Variants in EMCN observed in about 807,000 individuals in gnomAD.
EMCN encodes the protein MUC-14.
In EMCN, 37 loss-of-function variants were observed where a neutral mutation model predicts 38.4. The observed-to-expected ratio is 0.96, with a 90% CI of 0.74 to 1.27. The LOEUF is 1.27. EMCN is among the 50% of genes most tolerant of loss of function. EMCN has a pLI of 0.00. For missense variants in EMCN, 318 were observed against 302.8 expected (o/e 1.05, Z -0.37); for synonymous variants, 95 against 100.8 (o/e 0.94, Z 0.35).
intron 1 of EMCN, among the ~76,000 whole-genome samples, chr4:100,500,245 A>T (rs1729314084): frequency 6.6e-6 from 1 of 152,148 alleles, no homozygotes; most frequent in Non-Finnish European, 1.5e-5. Context: ...ACCTTGAAGG[A>T]TCTTATCATC....
At chr4:100,432,890 G>A (rs1727242723) in intron 5 of EMCN, among the ~76,000 whole-genome samples, 1 of 151,874 alleles carries the variant, frequency 6.6e-6, no homozygotes, top group South Asian at 2.1e-4. Context: ...ATGATATTAT[G>A]AGATATATTT....
rs947715317 is a variant in EMCN at position 100,453,376 on chromosome 4, C to T, written c.377-5805G>A. ...AGTGGGCAAAGGATATGAACAGACA[C>T]TTCTCAAAAGAAGACATTTATGCAG... is the stretch of plus-strand genomic sequence containing the variant. On this transcript the variant is annotated intron_variant, in intron 4 of 11. Transcript: ENST00000296420. Among the ~76,000 whole-genome samples, 3 of 152,260 alleles carry T rather than the reference C, an allele frequency of 2.0e-5. No homozygotes were observed. In the East Asian group the frequency reaches 5.8e-4, roughly 29 times the overall value.
At chr4:100,453,303 A>G (rs1727902376) in intron 4 of EMCN, among the ~76,000 whole-genome samples, 1 of 152,046 alleles carries the variant, frequency 6.6e-6, no homozygotes, top group Admixed American at 6.6e-5. Flanking sequence ...AGAATCTACA[A>G]TGAACTCAAA....
intron 10 of EMCN, among the ~76,000 whole-genome samples, chr4:100,411,900 T>C (rs530776701): frequency 2.0e-5 from 3 of 152,288 alleles, no homozygotes; most frequent in Non-Finnish European, 4.4e-5. Context: ...AAGAGGATTC[T>C]ATATATGGCT....
At chr4:100,414,979 T>C (rs985161711) in intron 10 of EMCN, among the ~76,000 whole-genome samples, 1 of 152,154 alleles carries the variant, frequency 6.6e-6, no homozygotes, top group African/African-American at 2.4e-5. Context: ...TCTTGCAGCT[T>C]CCGCCCCCCG....
chr4:100,432,406 T>C (rs1727228208), intron 5 of EMCN, among the ~76,000 whole-genome samples: 1 of 152,204 alleles, frequency 6.6e-6, no homozygotes. Context: ...ACATGACTAC[T>C]AGAATTATTA....
chr4:100,480,481 T>A (rs542551118), intron 1 of EMCN, among the ~76,000 whole-genome samples: 5 of 151,688 alleles, frequency 3.3e-5, no homozygotes, highest in Non-Finnish European at 5.9e-5. Context: ...AAGCACTCTA[T>A]ATAAATGTGT....
At chr4:100,485,994 A>C (rs1326522971) in intron 1 of EMCN, among the ~76,000 whole-genome samples, 3 of 152,212 alleles carry the variant, frequency 2.0e-5, no homozygotes, top group Non-Finnish European at 2.9e-5. Flanking sequence ...GGTGTTAAGC[A>C]CAATTTTAAA....
chr4:100,434,316 A>T (rs970525746), intron 5 of EMCN, among the ~76,000 whole-genome samples: 1 of 151,834 alleles, frequency 6.6e-6, no homozygotes, highest in Non-Finnish European at 1.5e-5. Flanking sequence ...AACCAGGAAA[A>T]AACTGAATCC....
At chr4:100,500,317 C>T (rs932960860) in intron 1 of EMCN, among the ~76,000 whole-genome samples, 1 of 152,086 alleles carries the variant, frequency 6.6e-6, no homozygotes, top group African/African-American at 2.4e-5. Context: ...AACTCAAAAT[C>T]TGAGTTTTAT....
intron 5 of EMCN, among the ~76,000 whole-genome samples, chr4:100,429,472 C>T (rs554069601): frequency 2.6e-5 from 4 of 152,074 alleles, no homozygotes; most frequent in South Asian, 4.2e-4. Context: ...TTTCTGCCTT[C>T]GGATGATGCA....
intron 1 of EMCN, among the ~76,000 whole-genome samples, chr4:100,505,801 C>G (rs958076661): frequency 7.9e-5 from 12 of 152,102 alleles, no homozygotes; most frequent in Admixed American, 3.9e-4. Flanking sequence ...AAATAGAGAC[C>G]TCTAAAAAAA....
At position 100,459,168 on chromosome 4, in the gene EMCN, GCTCTCTCTCTCTCT is replaced by G. The variant is rs70958363; in HGVS notation, c.376+6241_376+6254del. On this transcript the variant is annotated intron_variant, in intron 4 of 11. Coordinates refer to ENST00000296420, the MANE Select transcript of EMCN (RefSeq NM_016242.4). ...CTAGCTGGAGCCATTGCCCTCAGAT[GCTCTCTCTCTCTCT>G]CTCTCTCTCTCTCTCTCTCTCTCTC... Among the ~76,000 whole-genome samples, 854 of 132,840 alleles carry G rather than the reference GCTCTCTCTCTCTCT, an allele frequency of 6.4e-3. 9 individuals are homozygous for G. Among genetic ancestry groups the G allele is most frequent in the South Asian group, 0.017 (66 of 3,998 alleles). 87.1% of individuals were successfully genotyped at this position (132,840 alleles called of 152,430 possible). A position where few individuals can be genotyped will look rare whatever the true frequency, so the allele number is the denominator to read the frequency against.
intron 3 of EMCN, among the ~76,000 whole-genome samples, chr4:100,470,946 A>G (rs1728460204): frequency 6.6e-6 from 1 of 152,046 alleles, no homozygotes; most frequent in Admixed American, 6.5e-5. Flanking sequence ...CGGAATGCAG[A>G]GAAAGCAATG....
In EMCN at chr4:100,475,658, C is replaced by CATTTTTTTTTTTTT. The variant is rs1728617733; in HGVS notation, c.188-550_188-549insAAAAAAAAAAAAAT. ...CTTGAGGGCAGTATCCAATTCTAGT[C>CATTTTTTTTTTTTT]CTTTTTTTTTTTTTTTTTTTTTTTT... is the stretch of plus-strand genomic sequence containing the variant. On this transcript the variant is annotated intron_variant, in intron 2 of 11. Transcript: ENST00000296420. 1.5e-4 allele frequency among the ~76,000 whole-genome samples: 16 copies of CATTTTTTTTTTTTT among 108,092 alleles called. 5 individuals are homozygous for CATTTTTTTTTTTTT. Among genetic ancestry groups the CATTTTTTTTTTTTT allele is most frequent in the East Asian group, 2.8e-4 (1 of 3,598 alleles). 70.9% of individuals were successfully genotyped at this position (108,092 alleles called of 152,430 possible).
At chr4:100,496,467 T>A (rs548672943) in intron 1 of EMCN, among the ~76,000 whole-genome samples, 2 of 152,064 alleles carry the variant, frequency 1.3e-5, no homozygotes, top group Non-Finnish European at 2.9e-5. Context: ...CCTTTATGAG[T>A]TTTTTCATAT....
intron 5 of EMCN, among the ~76,000 whole-genome samples, chr4:100,432,507 G>T (rs1361251996): frequency 6.6e-6 from 1 of 152,022 alleles, no homozygotes; most frequent in Non-Finnish European, 1.5e-5. Context: ...ACACATAATA[G>T]GAACAAGATG....
intron 4 of EMCN, among the ~76,000 whole-genome samples, chr4:100,461,009 T>C (rs138241795): frequency 6.6e-6 from 1 of 152,296 alleles, no homozygotes; most frequent in African/African-American, 2.4e-5. Context: ...AGAATAAAAT[T>C]CACTGTCCTT....
intron 10 of EMCN, among the ~76,000 whole-genome samples, chr4:100,414,936 C>T (rs565196823): frequency 6.6e-6 from 1 of 152,086 alleles, no homozygotes; most frequent in Non-Finnish European, 1.5e-5. Flanking sequence ...AGTCTCGCTC[C>T]TTTGTCACCC....
Sources: gnomAD v4.1 joint callset for allele counts (sites outside exome capture counted in the v4.1 genomes callset) on GRCh38, gnomAD v4.1.1 for gene constraint, MANE v1.5 for transcripts, NCBI Gene and HGNC (gene_info 2026-07-23, HGNC 2026-07-21) for gene names.